B3GALT1: variants seen among roughly 807,000 people sequenced by gnomAD.
The protein encoded by B3GALT1 is beta-1,3-galactosyltransferase 1, also known as UDP-Gal:betaGlcNAc beta 1,3-galactosyltransferase, polypeptide 1.
A neutral mutation model predicts 23.2 loss-of-function variants in B3GALT1; 10 were observed. That is an observed-to-expected ratio of 0.43 (90% confidence interval 0.27 to 0.73). B3GALT1 has a LOEUF of 0.73. Among genes scored for constraint, B3GALT1 ranks in the 30% least tolerant of loss-of-function variants. The probability of loss-of-function intolerance (pLI) is 0.21; values close to 1 mark genes in which losing one functional copy is unlikely to be tolerated. For synonymous variants in B3GALT1, 156 were observed against 141.5 expected (o/e 1.10, Z -0.73); for missense variants, 299 against 405.4 (o/e 0.74, Z 2.25).
In B3GALT1 at chr2:167,465,788, T is replaced by C. The variant is rs952709330; in HGVS notation, c.-510-24389T>C. 3.3e-5 allele frequency among the ~76,000 whole-genome samples: 5 copies of C among 152,108 alleles called. No homozygotes were observed. The East Asian group carries it at 9.6e-4, about 29-fold the overall frequency. ...GGTCTAGTAGTTGAGATTAAACTGT[T>C]AAACACAATAGCACCAAGTGATAAA... On this transcript the variant is annotated intron_variant, in intron 1 of 4. Transcript: ENST00000392690.
chr2:167,670,578 G>T (rs1039798275), intron 3 of B3GALT1, among the ~76,000 whole-genome samples: 2 of 152,184 alleles, frequency 1.3e-5, no homozygotes, highest in Non-Finnish European at 2.9e-5. Flanking sequence ...GGAGCTCTAT[G>T]AACTGTCTGG....
chr2:167,696,225 C>T (rs571113795), intron 3 of B3GALT1, among the ~76,000 whole-genome samples: 2 of 147,058 alleles, frequency 1.4e-5, no homozygotes, highest in Non-Finnish European at 3.0e-5. Flanking sequence ...ACCAGTTCTG[C>T]CTTTTCTGCC....
chr2:167,331,893 C>T (rs1696978690), intron 1 of B3GALT1, among the ~76,000 whole-genome samples: 1 of 152,172 alleles, frequency 6.6e-6, no homozygotes, highest in Non-Finnish European at 1.5e-5. Context: ...TGCTCCACAG[C>T]AGTCTGCAGT....
At chr2:167,774,486 T>TTTG in intron 3 of B3GALT1, among the ~76,000 whole-genome samples, 1 of 64,192 alleles carries the variant, frequency 1.6e-5, no homozygotes, top group Non-Finnish European at 2.8e-5. Context: ...TTTTTTTTTG[T>TTTG]TTTTTTTTTT....
At chr2:167,821,947 C>T (rs1167678749) in intron 4 of B3GALT1, among the ~76,000 whole-genome samples, 2 of 152,136 alleles carry the variant, frequency 1.3e-5, no homozygotes, top group Admixed American at 1.3e-4. Flanking sequence ...GGAAATGGAT[C>T]TAAAATTAAA....
chr2:167,360,693 T>C (rs1697486074), intron 1 of B3GALT1, among the ~76,000 whole-genome samples: 2 of 152,196 alleles, frequency 1.3e-5, no homozygotes, highest in Admixed American at 1.3e-4. Flanking sequence ...CAGGATAATT[T>C]GGTTATCTTT....
chr2:167,312,501 A>G (rs1390116249), intron 1 of B3GALT1, among the ~76,000 whole-genome samples: 2 of 152,028 alleles, frequency 1.3e-5, no homozygotes. Context: ...AGTACAAAGA[A>G]CACTCAGTCT....
chr2:167,770,476 T>C (rs1004121652), intron 3 of B3GALT1, among the ~76,000 whole-genome samples: 1 of 152,226 alleles, frequency 6.6e-6, no homozygotes, highest in African/African-American at 2.4e-5. Flanking sequence ...TTAGGTTGTT[T>C]ATTGTTCAGA....
chr2:167,444,328 C>CT (rs755066057), intron 1 of B3GALT1, among the ~76,000 whole-genome samples: 1 of 152,128 alleles, frequency 6.6e-6, no homozygotes, highest in Admixed American at 6.5e-5. Context: ...CTAAAATTCT[C>CT]TTTTTTTGTT....
At chr2:167,777,051 C>T (rs1688173142) in intron 3 of B3GALT1, among the ~76,000 whole-genome samples, 1 of 152,094 alleles carries the variant, frequency 6.6e-6, no homozygotes, top group Admixed American at 6.6e-5. Flanking sequence ...AGTAACTTGT[C>T]AGTGACTATT....
In B3GALT1 at chr2:167,446,534, C is replaced by T. The variant is rs148073650; in HGVS notation, c.-510-43643C>T. 3.5e-3 allele frequency among the ~76,000 whole-genome samples: 529 copies of T among 152,234 alleles called. 3 individuals are homozygous for T. The highest frequency in any genetic ancestry group is 0.012 in the African/African-American group (517 of 41,530). On this transcript the variant is annotated intron_variant, in intron 1 of 4. Coordinates refer to ENST00000392690, the MANE Select transcript of B3GALT1 (RefSeq NM_020981.4). ...CATAGATTTGGTCTTTTCACATGGT[C>T]CCATATTTCTTGGAGGCTTTGTTCG...
chr2:167,518,032 A>G (rs1231969598), intron 2 of B3GALT1, among the ~76,000 whole-genome samples: 4 of 151,970 alleles, frequency 2.6e-5, no homozygotes, highest in African/African-American at 7.2e-5. Flanking sequence ...AACAACAACA[A>G]CAACAAAAAA....
chr2:167,601,107 T>A (rs1020425217), intron 2 of B3GALT1, among the ~76,000 whole-genome samples: 2 of 152,342 alleles, frequency 1.3e-5, no homozygotes, highest in East Asian at 1.9e-4. Context: ...GTTGCCAGAC[T>A]GGAGTGCAGT....
At chr2:167,823,321 G>T (rs1207513399) in intron 4 of B3GALT1, among the ~76,000 whole-genome samples, 1 of 152,146 alleles carries the variant, frequency 6.6e-6, no homozygotes, top group African/African-American at 2.4e-5. Context: ...GTGTGCTTGA[G>T]TGTGTGTGCT....
chr2:167,513,112 A>G (rs1247333202), intron 2 of B3GALT1, among the ~76,000 whole-genome samples: 1 of 150,140 alleles, frequency 6.7e-6, no homozygotes, highest in Non-Finnish European at 1.5e-5. Context: ...TCAAACCTCT[A>G]GATCTAACTA....
intron 2 of B3GALT1, among the ~76,000 whole-genome samples, chr2:167,634,052 C>T (rs1685506631): frequency 1.3e-5 from 2 of 152,046 alleles, no homozygotes; most frequent in South Asian, 2.1e-4. Flanking sequence ...CATTCAAAAC[C>T]ACACAACTAC....
chr2:167,863,802 T>C (rs898583357), intron 4 of B3GALT1, among the ~76,000 whole-genome samples: 1 of 152,220 alleles, frequency 6.6e-6, no homozygotes, highest in Admixed American at 6.5e-5. Context: ...TTAGCCACTC[T>C]TTAGGTTTTC....
At chr2:167,582,037 G>T (rs932221122) in intron 2 of B3GALT1, among the ~76,000 whole-genome samples, 1 of 152,122 alleles carries the variant, frequency 6.6e-6, no homozygotes, top group Non-Finnish European at 1.5e-5. Flanking sequence ...TAGAAGAATA[G>T]CTCCTCTCCA....
chr2:167,758,584 G>C (rs562447103), intron 3 of B3GALT1, among the ~76,000 whole-genome samples: 57 of 152,154 alleles, frequency 3.7e-4, no homozygotes, highest in African/African-American at 1.3e-3. Context: ...CTCCGATGCT[G>C]CTCCCCACCA....
Sources: allele counts gnomAD v4.1 joint callset (sites outside exome capture counted in the v4.1 genomes callset), GRCh38; gene constraint gnomAD v4.1.1; transcripts MANE v1.5; gene names NCBI Gene and HGNC (gene_info 2026-07-23, HGNC 2026-07-21).